Variants in SYCE1 observed in about 807,000 individuals in gnomAD.
The protein encoded by SYCE1 is synaptonemal complex central element protein 1.
SYCE1 carries 37 observed loss-of-function variants against 55.1 expected under a neutral mutation model. The ratio of observed to expected loss-of-function variants is 0.67; its 90% CI spans 0.52 to 0.88. The LOEUF (loss-of-function observed/expected upper bound fraction) is 0.88, where lower values mean the gene tolerates loss of function less well. SYCE1 is among the 40% of genes least tolerant of loss of function. The probability of loss-of-function intolerance (pLI) is 0.00; values close to 1 mark genes in which losing one functional copy is unlikely to be tolerated. For synonymous variants in SYCE1, 163 were observed against 159.4 expected, an observed-to-expected ratio of 1.02 and a Z score of -0.17; for missense variants, 399 against 416.4, an observed-to-expected ratio of 0.96 and a Z score of 0.36.
At chr10:133,555,546 C>T (rs2133613570) in intron 11 of SYCE1, 51 bp downstream of exon 11, 1 of 1,603,676 alleles carries the variant, frequency 6.2e-7, no homozygotes, top group Non-Finnish European at 8.5e-7. Flanking sequence ...GGAGATACAA[C>T]ATCAGTCATC....
intron 8 of SYCE1, 102 bp downstream of exon 8, chr10:133,556,657 C>T: frequency 8.0e-7 from 1 of 1,249,876 alleles, no homozygotes; most frequent in Non-Finnish European, 1.1e-6. Flanking sequence ...CCAGGGCTTG[C>T]TTGGCGACTG....
rs775227347 is a variant in SYCE1, at chr10:133,555,883, G to A, written c.616C>T (p.Leu206=). 1.2e-6 allele frequency: 2 copies of A among 1,614,070 alleles called. No homozygotes were observed. The highest frequency in any genetic ancestry group is 3.3e-5 in the Admixed American group (2 of 60,018). Reference sequence around the variant, plus strand: ...CACAGCTGATGCTTCACGTCTTCCAGTGTCGCCTTGACCAGCTTCTCTGCA... The same window carrying A: ...CACAGCTGATGCTTCACGTCTTCCAATGTCGCCTTGACCAGCTTCTCTGCA... ...LKEEKLVKAT[L]EDVKHQLCSL... Residue 206 remains leucine, a synonymous_variant, in exon 10 of 13, where the codon CTG becomes TTG. Transcript: ENST00000343131.
intron 1 of SYCE1, among the ~76,000 whole-genome samples, chr10:133,563,689 C>CA (rs10659883): frequency 0.13 from 18,163 of 142,340 alleles, 1,165 homozygotes; most frequent in East Asian, 0.25. Context: ...AATCTCGTCT[C>CA]AAAAAAAAAA....
Position 133,560,087 on chromosome 10 carries a change from C to T in SYCE1, c.136+4G>A, listed in dbSNP as rs3813873. 178,694 of 1,612,078 alleles carry T rather than the reference C, an allele frequency of 0.11. 11,045 individuals are homozygous for T. Among genetic ancestry groups the T allele is most frequent in the East Asian group, 0.27 (11,889 of 44,824 alleles). The stretch of plus-strand genomic sequence containing the variant: ...CTGTGCCTCACACAAAGGAGACACA[C>T]GACCTTTCTGCAGCTTTTGCACCAT... On this transcript the variant is annotated splice_donor_region_variant and intron_variant, in intron 2 of 12. Transcript: ENST00000343131.
rs762748967 is a variant in SYCE1, at chr10:133,558,160, CA to C, written c.319+6del. ...CACAAGCCTGGAGACAGGGGAGCGG[CA>C]AATACCTTGTTTTTTGCTCAAGATC... On this transcript the variant is annotated splice_donor_region_variant and intron_variant, in intron 5 of 12. Coordinates refer to ENST00000343131, the MANE Select transcript of SYCE1 (RefSeq NM_001143764.3). The C allele has an allele frequency of 6.2e-7, 1 of 1,614,186 alleles. No individual in the cohort carries two copies. Among genetic ancestry groups the C allele is most frequent in the Admixed American group, 1.7e-5 (1 of 60,032 alleles).
downstream of SYCE1, chr10:133,554,042 C>G (rs928651623): frequency 2.7e-6 from 1 of 369,292 alleles, no homozygotes; most frequent in African/African-American, 2.1e-5. Context: ...AAAGTTCCTT[C>G]TAATTGTGGG....
chr10:133,563,390 T>TACA (rs1469616014), intron 1 of SYCE1, among the ~76,000 whole-genome samples: 4 of 152,146 alleles, frequency 2.6e-5, no homozygotes, highest in Non-Finnish European at 5.9e-5. Flanking sequence ...AAATCATGCA[T>TACA]ACATGCATAA....
At chr10:133,564,399 C>T (rs11101840) in intron 1 of SYCE1, 98,858 of 982,820 alleles carry the variant, frequency 0.1, 5,523 homozygotes, top group East Asian at 0.25. Context: ...TTAAAACTTA[C>T]CTAAATATAC....
At chr10:133,566,796 A>T (rs1014283454), upstream of SYCE1, among the ~76,000 whole-genome samples, 1 of 146,198 alleles carries the variant, frequency 6.8e-6, no homozygotes, top group Non-Finnish European at 1.5e-5. Flanking sequence ...GTTAAGGGTT[A>T]GGGTTAGCAT....
intron 1 of SYCE1, among the ~76,000 whole-genome samples, chr10:133,564,873 G>T (rs569969441): frequency 6.6e-6 from 1 of 152,204 alleles, no homozygotes; most frequent in Non-Finnish European, 1.5e-5. Context: ...TTGTTGGGCT[G>T]CAATTTCTGG....
rs1172893312 is a variant in SYCE1 at position 133,558,927 on chromosome 10, AG to A, written c.220del (p.Leu74Ter). On this transcript the variant is annotated frameshift_variant, in exon 4 of 13. Coordinates refer to ENST00000343131, the MANE Select transcript of SYCE1 (RefSeq NM_001143764.3). LOFTEE classifies it high-confidence loss of function. Reference protein sequence around the residue: ...QQAKKKANKDLGEARTICEAL... With the variant: ...QQAKKKANKDXGEARTICEAL... ...CTCACAGATGGTCCGGGCCTCTCCT[AG>A]GTCTTTATTGGCTTTCTTTTTTGCT... 6.2e-7 allele frequency: 1 copy of A among 1,611,938 alleles called. No homozygotes were observed.
chr10:133,560,084 A>G lies in SYCE1; in HGVS notation c.136+7T>C. On this transcript the variant is annotated splice_region_variant and intron_variant, in intron 2 of 12. Coordinates refer to ENST00000343131, the MANE Select transcript of SYCE1 (RefSeq NM_001143764.3). ...AGGCTGTGCCTCACACAAAGGAGAC[A>G]CACGACCTTTCTGCAGCTTTTGCAC... 1 of 1,613,858 alleles carries G rather than the reference A, an allele frequency of 6.2e-7. No homozygotes were observed. The highest frequency in any genetic ancestry group is 1.1e-5 in the South Asian group (1 of 91,072).
intron 3 of SYCE1, 146 bp from the exon 4 acceptor site, chr10:133,559,097 C>A: frequency 1.0e-6 from 1 of 979,792 alleles, no homozygotes. Flanking sequence ...CCTTGCCAGG[C>A]TCTGCTGATA....
chr10:133,554,960 A>AC lies in SYCE1; in HGVS notation c.*31dup. ...CAGGAGACTGGGGATCTTGGGCCTG[A>AC]CCCCTACTCCTCACCAGTAGACTTA... On this transcript the variant is annotated 3_prime_UTR_variant, in exon 13 of 13. Coordinates refer to ENST00000343131, the MANE Select transcript of SYCE1 (RefSeq NM_001143764.3). The AC allele has an allele frequency of 6.6e-7, 1 of 1,507,034 alleles. No individual in the cohort carries two copies. Among genetic ancestry groups the AC allele is most frequent in the Non-Finnish European group, 8.9e-7 (1 of 1,127,786 alleles). The allele number at this position is 1,507,034 out of a possible 1,614,324, so 93.4% of individuals were successfully genotyped here. A position where few individuals can be genotyped will look rare whatever the true frequency, so the allele number is the denominator to read the frequency against.
chr10:133,554,350 T>C (rs201706243), downstream of SYCE1: 113 of 1,612,918 alleles, frequency 7.0e-5, no homozygotes, highest in African/African-American at 1.1e-3. Context: ...AGGGATCGCT[T>C]TGTCATTACT....
At chr10:133,562,249 A>C (rs1851829251) in intron 1 of SYCE1, among the ~76,000 whole-genome samples, 1 of 150,690 alleles carries the variant, frequency 6.6e-6, no homozygotes, top group Admixed American at 6.6e-5. Flanking sequence ...CTTAATTAAA[A>C]GCTAACATCC....
chr10:133,565,555 G>C lies in SYCE1; in HGVS notation c.-26C>G. 2 of 1,546,360 alleles carry C rather than the reference G, an allele frequency of 1.3e-6. No homozygotes were observed. The highest frequency in any genetic ancestry group is 1.7e-6 in the Non-Finnish European group (2 of 1,145,510). ...TTCCTCTCAGCTCGCCAGCGAGGGT[G>C]CCTCGGGAGGGAGCCTCCAGTGGTG... On this transcript the variant is annotated 5_prime_UTR_variant, in exon 1 of 13. Transcript: ENST00000343131.
upstream of SYCE1, chr10:133,568,190 TAGCTGTAGATGCCG>T (rs1851994933): frequency 2.8e-6 from 3 of 1,054,818 alleles, no homozygotes; most frequent in South Asian, 4.0e-5. Context: ...CCACGTACAG[TAGCTGTAGATGCCG>T]AGCCGGTCCT....
Position 133,563,664 on chromosome 10 carries a change from TG to T in SYCE1, c.73+1792del, listed in dbSNP as rs553935774. 2.9e-3 allele frequency among the ~76,000 whole-genome samples: 416 copies of T among 144,868 alleles called. 1 individual carries two copies. Among genetic ancestry groups the T allele is most frequent in the Admixed American group, 5.4e-3 (75 of 13,926 alleles). On this transcript the variant is annotated intron_variant, in intron 1 of 12. Coordinates refer to ENST00000343131, the MANE Select transcript of SYCE1 (RefSeq NM_001143764.3). ...GTGATTGTACCACTGCACTCCAGCC[TG>T]GGCAACAAAGCACAATCTCGTCTCA...
Sources: gnomAD v4.1 joint callset for allele counts (sites outside exome capture counted in the v4.1 genomes callset) on GRCh38, gnomAD v4.1.1 for gene constraint, MANE v1.5 for transcripts, NCBI Gene and HGNC (gene_info 2026-07-23, HGNC 2026-07-21) for gene names.